FOXP1: variants seen among roughly 807,000 people sequenced by gnomAD.
FOXP1 encodes the protein forkhead box protein P1.
Under a neutral mutation model 98.2 loss-of-function variants are expected in FOXP1, and 15 were observed. The observed-to-expected ratio is 0.15, with a 90% CI of 0.10 to 0.24. FOXP1 has a LOEUF of 0.24. Among genes scored for constraint, FOXP1 ranks in the 10% least tolerant of loss-of-function variants. The probability of loss-of-function intolerance (pLI) is 1.00; values close to 1 mark genes in which losing one functional copy is unlikely to be tolerated. For missense variants in FOXP1, 633 were observed against 848.5 expected (o/e 0.75, Z 3.15); for synonymous variants, 371 against 314.5 (o/e 1.18, Z -1.90).
intron 6 of FOXP1, among the ~76,000 whole-genome samples, chr3:71,178,509 G>T (rs1046505544): frequency 6.6e-6 from 1 of 152,172 alleles, no homozygotes; most frequent in African/African-American, 2.4e-5. Flanking sequence ...CTGCATTTGG[G>T]AGGCCAAGGC....
intron 7 of FOXP1, among the ~76,000 whole-genome samples, chr3:71,102,191 T>C (rs2057024517): frequency 6.6e-6 from 1 of 152,190 alleles, no homozygotes; most frequent in Non-Finnish European, 1.5e-5. Context: ...CCATCTGATG[T>C]ATGAAAATTA....
chr3:71,285,640 A>G (rs578119694), intron 5 of FOXP1, among the ~76,000 whole-genome samples: 5 of 152,362 alleles, frequency 3.3e-5, no homozygotes, highest in African/African-American at 9.6e-5. Flanking sequence ...AGGGTCATGT[A>G]CATAAAAATA....
intron 20 of FOXP1, among the ~76,000 whole-genome samples, chr3:70,959,818 G>C (rs1318135595): frequency 6.6e-6 from 1 of 152,134 alleles, no homozygotes; most frequent in Non-Finnish European, 1.5e-5. Flanking sequence ...GTGTGATTCA[G>C]GTCTGGGGTG....
chr3:71,055,004 T>C (rs538002790), intron 7 of FOXP1, among the ~76,000 whole-genome samples: 6 of 152,110 alleles, frequency 3.9e-5, no homozygotes, highest in Admixed American at 3.9e-4. Flanking sequence ...CAATAGCTGA[T>C]CAGAAGATAA....
At chr3:71,118,111 T>C (rs936036079) in intron 6 of FOXP1, among the ~76,000 whole-genome samples, 8 of 152,276 alleles carry the variant, frequency 5.3e-5, no homozygotes, top group Non-Finnish European at 7.4e-5. Context: ...CATGTCATGG[T>C]CCACGGCCAG....
chr3:71,154,096 C>CTTCTT (rs1553761196), intron 6 of FOXP1, among the ~76,000 whole-genome samples: 23 of 150,124 alleles, frequency 1.5e-4, no homozygotes, highest in African/African-American at 3.9e-4. Context: ...TCTTCTTCTT[C>CTTCTT]TTTTTTTTTG....
chr3:70,993,865 A>AT (rs2040971202), intron 13 of FOXP1, among the ~76,000 whole-genome samples: 1 of 151,862 alleles, frequency 6.6e-6, no homozygotes, highest in Admixed American at 6.6e-5. Flanking sequence ...ATGGTGGCAC[A>AT]TGCCTATAGT....
At chr3:71,471,118 A>G (rs913224355) in intron 3 of FOXP1, among the ~76,000 whole-genome samples, 9 of 152,184 alleles carry the variant, frequency 5.9e-5, no homozygotes, top group African/African-American at 1.9e-4. Context: ...TGATTCAACA[A>G]CTATTTACTG....
chr3:71,548,257 G>A (rs1443378030), intron 2 of FOXP1, among the ~76,000 whole-genome samples: 1 of 152,130 alleles, frequency 6.6e-6, no homozygotes, highest in Non-Finnish European at 1.5e-5. Context: ...GCAAGATCCA[G>A]CTCTAGTTTA....
chr3:70,985,315 A>C (rs1270060258), intron 14 of FOXP1, among the ~76,000 whole-genome samples: 2 of 152,238 alleles, frequency 1.3e-5, no homozygotes. Context: ...GCACATGAGA[A>C]TCAGTCACCA....
chr3:71,095,661 A>T (rs145371185), intron 7 of FOXP1, among the ~76,000 whole-genome samples: 5 of 152,038 alleles, frequency 3.3e-5, no homozygotes, highest in African/African-American at 1.2e-4. Context: ...TATGCCCTAA[A>T]CTCCTAGAGA....
chr3:70,965,825 TC>T, intron 20 of FOXP1, 64 bp downstream of exon 20: 1 of 1,502,996 alleles, frequency 6.7e-7, no homozygotes, highest in Non-Finnish European at 9.3e-7. Context: ...AAGGGCTGTC[TC>T]CCTGCGTGTA....
At chr3:71,290,313 C>T (rs2072610935) in intron 5 of FOXP1, among the ~76,000 whole-genome samples, 1 of 152,202 alleles carries the variant, frequency 6.6e-6, no homozygotes, top group South Asian at 2.1e-4. Context: ...TATATCCCGT[C>T]ATTCAAGACA....
intron 3 of FOXP1, among the ~76,000 whole-genome samples, chr3:71,474,416 C>G (rs971023610): frequency 6.6e-6 from 1 of 152,086 alleles, no homozygotes; most frequent in Non-Finnish European, 1.5e-5. Context: ...TTCTGAGTAC[C>G]CTAGTTCAGG....
At position 71,318,978 on chromosome 3, in the gene FOXP1, C is replaced by T. The variant is rs369374236; in HGVS notation, c.-72-19098G>A. Among the ~76,000 whole-genome samples the T allele has an allele frequency of 1.6e-4, 25 of 152,260 alleles. No individual in the cohort carries two copies. The South Asian group carries it at 5.0e-3, about 30-fold the overall frequency. ...CACACAAATTCAAGGATGAGGAGGACATTCATAAACAGAATAGAATTACAG... is the reference window on the plus strand; with the variant it reads ...CACACAAATTCAAGGATGAGGAGGATATTCATAAACAGAATAGAATTACAG... On this transcript the variant is annotated intron_variant, in intron 4 of 20. Transcript: ENST00000649528.
At chr3:71,546,120 C>T (rs2045337978) in intron 2 of FOXP1, among the ~76,000 whole-genome samples, 1 of 152,154 alleles carries the variant, frequency 6.6e-6, no homozygotes, top group African/African-American at 2.4e-5. Context: ...ATCCATACAA[C>T]ACCTTCCCCC....
intron 12 of FOXP1, among the ~76,000 whole-genome samples, chr3:71,011,184 G>A (rs2043552895): frequency 6.6e-6 from 1 of 152,138 alleles, no homozygotes; most frequent in South Asian, 2.1e-4. Flanking sequence ...CTCAGCATTT[G>A]CTCTCCTTTG....
chr3:71,494,340 T>C (rs1205179316), intron 2 of FOXP1, among the ~76,000 whole-genome samples: 3 of 152,348 alleles, frequency 2.0e-5, no homozygotes, highest in East Asian at 1.9e-4. Context: ...CTAAATACTT[T>C]AAACTAATTA....
intron 2 of FOXP1, among the ~76,000 whole-genome samples, chr3:71,545,095 ATTTTT>A (rs573622950): frequency 6.7e-6 from 1 of 149,804 alleles, no homozygotes; most frequent in Non-Finnish European, 1.5e-5. Context: ...TGGTAAAACA[ATTTTT>A]TTTTTATTAA....
Sources: gnomAD v4.1 joint callset for allele counts (sites outside exome capture counted in the v4.1 genomes callset) on GRCh38, gnomAD v4.1.1 for gene constraint, MANE v1.5 for transcripts, NCBI Gene and HGNC (gene_info 2026-07-23, HGNC 2026-07-21) for gene names.